ARHGEF28: variants seen among roughly 807,000 people sequenced by gnomAD.
The protein encoded by ARHGEF28 is Rho guanine nucleotide exchange factor 28.
A neutral mutation model predicts 206.6 loss-of-function variants in ARHGEF28; 152 were observed. The ratio of observed to expected loss-of-function variants is 0.74; its 90% CI spans 0.64 to 0.84. The LOEUF (loss-of-function observed/expected upper bound fraction) is 0.84. Among genes scored for constraint, ARHGEF28 ranks in the 40% least tolerant of loss-of-function variants. The pLI is 0.00. For synonymous variants in ARHGEF28, 763 were observed against 776.4 expected, an observed-to-expected ratio of 0.98 and a Z score of 0.29; for missense variants, 2,028 against 2,073.2, an observed-to-expected ratio of 0.98 and a Z score of 0.42.
At chr5:73,873,272 C>T in intron 22 of ARHGEF28, 26 bp downstream of exon 22, 1 of 1,583,702 alleles carries the variant, frequency 6.3e-7, no homozygotes, top group Admixed American at 1.7e-5. Flanking sequence ...AGTCCTTGAC[C>T]TTTATGACGT....
At chr5:73,897,494 G>A (rs184120537) in intron 29 of ARHGEF28, among the ~76,000 whole-genome samples, 3 of 152,066 alleles carry the variant, frequency 2.0e-5, no homozygotes, top group East Asian at 3.9e-4. Flanking sequence ...CTCTTTTGAG[G>A]AATAGCTAAT....
chr5:73,695,834 C>T (rs1431859713), intron 2 of ARHGEF28, among the ~76,000 whole-genome samples: 1 of 152,182 alleles, frequency 6.6e-6, no homozygotes, highest in Non-Finnish European at 1.5e-5. Context: ...AGTATTATTT[C>T]CCTACATTCA....
intron 2 of ARHGEF28, among the ~76,000 whole-genome samples, chr5:73,707,581 A>T (rs186314075): frequency 1.6e-3 from 248 of 152,304 alleles, no homozygotes; most frequent in African/African-American, 5.8e-3. Flanking sequence ...TTATTATCCT[A>T]TGTATTCTTG....
intron 12 of ARHGEF28, 55 bp from the exon 13 acceptor site, chr5:73,848,921 A>G: frequency 1.6e-6 from 2 of 1,254,874 alleles, no homozygotes; most frequent in Non-Finnish European, 2.2e-6. Flanking sequence ...GGTGGTGAAT[A>G]TATATTTTCA....
chr5:73,928,075 A>G (rs977605348), intron 35 of ARHGEF28, among the ~76,000 whole-genome samples: 1 of 152,244 alleles, frequency 6.6e-6, no homozygotes, highest in Non-Finnish European at 1.5e-5. Flanking sequence ...CAATTTCTCA[A>G]ACCAGAATAG....
At chr5:73,737,497 C>CTTTTCTTTTCTTTTCTTTTCTT (rs1751049253) in intron 2 of ARHGEF28, among the ~76,000 whole-genome samples, 1 of 100,784 alleles carries the variant, frequency 9.9e-6, no homozygotes, top group Non-Finnish European at 2.0e-5. Context: ...CTTTTCTTTT[C>CTTTTCTTTTCTTTTCTTTTCTT]TTTTCTTTTC....
chr5:73,733,529 T>G lies in ARHGEF28; in HGVS notation c.34-16308T>G, dbSNP rs552975439. Reference sequence around the variant, plus strand: ...GTGGGAGGGTCTGTTAGTACATTCTTGCATTGCTATCAAGAAATATCTAAG... The same window carrying G: ...GTGGGAGGGTCTGTTAGTACATTCTGGCATTGCTATCAAGAAATATCTAAG... On this transcript the variant is annotated intron_variant, in intron 2 of 35. Coordinates refer to ENST00000513042, the MANE Select transcript of ARHGEF28 (RefSeq NM_001177693.2). 1.5e-4 allele frequency among the ~76,000 whole-genome samples: 23 copies of G among 152,278 alleles called. 1 individual carries two copies. The East Asian group carries it at 4.3e-3, about 28-fold the overall frequency.
chr5:73,681,814 CA>C (rs879719978), intron 1 of ARHGEF28, among the ~76,000 whole-genome samples: 33 of 145,260 alleles, frequency 2.3e-4, no homozygotes, highest in Admixed American at 4.1e-4. Context: ...AACTCTGTCT[CA>C]AAAAAAAAAA....
chr5:73,798,319 TCATTCTTTC>T (rs1312318413), intron 9 of ARHGEF28, among the ~76,000 whole-genome samples: 1 of 152,212 alleles, frequency 6.6e-6, no homozygotes, highest in Non-Finnish European at 1.5e-5. Context: ...TAGGTCTTAT[TCATTCTTTC>T]CATTTTTTTT....
intron 13 of ARHGEF28, among the ~76,000 whole-genome samples, chr5:73,850,149 G>T (rs945486867): frequency 6.6e-6 from 1 of 150,812 alleles, no homozygotes; most frequent in East Asian, 2.0e-4. Context: ...GCTTGAAACA[G>T]CTATCCTAGA....
At chr5:73,761,004 C>T (rs950505128) in intron 4 of ARHGEF28, among the ~76,000 whole-genome samples, 2 of 152,136 alleles carry the variant, frequency 1.3e-5, no homozygotes, top group East Asian at 1.9e-4. Context: ...AGTTGGATTC[C>T]GGTCACTCTC....
chr5:73,693,736 G>A (rs1747996302), intron 2 of ARHGEF28, among the ~76,000 whole-genome samples: 1 of 152,194 alleles, frequency 6.6e-6, no homozygotes, highest in African/African-American at 2.4e-5. Context: ...CACCTGCTGG[G>A]GTGTTTCTGC....
intron 22 of ARHGEF28, among the ~76,000 whole-genome samples, chr5:73,878,424 A>C (rs539226684): frequency 6.6e-6 from 1 of 151,906 alleles, no homozygotes; most frequent in African/African-American, 2.4e-5. Context: ...GTCCATTTAC[A>C]TTTAAAGTTA....
chr5:73,749,758 G>T (rs1307830825), intron 2 of ARHGEF28, 79 bp from the exon 3 acceptor site: 6 of 1,509,172 alleles, frequency 4.0e-6, no homozygotes, highest in Non-Finnish European at 5.4e-6. Context: ...CACTGTTATG[G>T]ACCCAGGTCC....
chr5:73,840,635 AG>A lies in ARHGEF28; in HGVS notation c.1305del (p.Thr436GlnfsTer21), dbSNP rs766148547. On this transcript the variant is annotated frameshift_variant, in exon 11 of 36. Coordinates refer to ENST00000513042, the MANE Select transcript of ARHGEF28 (RefSeq NM_001177693.2). LOFTEE classifies it high-confidence loss of function. ...TGTACCCACTTAGTGAAAATGTCGA[AG>A]GGACAGCACACACTGAAGCCCAGCA... ...SVYPLSENVE[G>X]TAHTEAQQSF... is the part of the protein sequence containing the mutation. 1 of 1,613,918 alleles carries A rather than the reference AG, an allele frequency of 6.2e-7. No individual in the cohort carries two copies.
intron 5 of ARHGEF28, 114 bp downstream of exon 5, chr5:73,774,152 G>T: frequency 1.1e-6 from 1 of 923,166 alleles, no homozygotes. Context: ...TTTACTGTTA[G>T]CTCTCATGCA....
At chr5:73,932,772 C>T (rs1354754887) in intron 35 of ARHGEF28, among the ~76,000 whole-genome samples, 2 of 135,112 alleles carry the variant, frequency 1.5e-5, no homozygotes, top group East Asian at 2.3e-4. Context: ...TAGTTTTGGA[C>T]TAGTTATACT....
At chr5:73,881,009 G>T (rs1760888804) in intron 22 of ARHGEF28, among the ~76,000 whole-genome samples, 1 of 149,896 alleles carries the variant, frequency 6.7e-6, no homozygotes, top group Non-Finnish European at 1.5e-5. Flanking sequence ...TTTTGTGCAG[G>T]TTATGAGACT....
intron 4 of ARHGEF28, among the ~76,000 whole-genome samples, chr5:73,762,328 T>TG (rs1293441839): frequency 6.6e-6 from 1 of 151,624 alleles, no homozygotes; most frequent in African/African-American, 2.4e-5. Flanking sequence ...TGGTGGTGCA[T>TG]GCCTGTAATC....
Sources: allele counts gnomAD v4.1 joint callset (sites outside exome capture counted in the v4.1 genomes callset), GRCh38; gene constraint gnomAD v4.1.1; transcripts MANE v1.5; gene names NCBI Gene and HGNC (gene_info 2026-07-23, HGNC 2026-07-21).